Variants in UGGT1 observed in about 807,000 individuals in gnomAD.
UGGT1 encodes UDP-glucose:glycoprotein glucosyltransferase 1.
A neutral mutation model predicts 203.9 loss-of-function variants in UGGT1; 107 were observed. That is an observed-to-expected ratio of 0.52 (90% CI 0.45 to 0.62). The LOEUF (loss-of-function observed/expected upper bound fraction) is 0.62. Ranked by LOEUF, UGGT1 falls within the 20% of genes least tolerant of loss-of-function variation. The pLI is 0.00. For synonymous variants in UGGT1, 628 were observed against 653.5 expected, an observed-to-expected ratio of 0.96 and a Z score of 0.59; for missense variants, 1,673 against 1,867.2, an observed-to-expected ratio of 0.90 and a Z score of 1.92.
chr2:128,117,606 C>T (rs1471940703), intron 8 of UGGT1, among the ~76,000 whole-genome samples: 7 of 150,228 alleles, frequency 4.7e-5, no homozygotes, highest in Middle Eastern at 6.9e-3. Flanking sequence ...TGCAGTGCCA[C>T]GATCTTGGCT....
At chr2:128,149,571 C>T (rs1048227038) in intron 18 of UGGT1, among the ~76,000 whole-genome samples, 3 of 150,902 alleles carry the variant, frequency 2.0e-5, no homozygotes, top group African/African-American at 7.3e-5. Context: ...CAAGATCATT[C>T]TGGCTAACAT....
In UGGT1 at chr2:128,105,810, C is replaced by T. The variant is rs541831512; in HGVS notation, c.277+1796C>T. On this transcript the variant is annotated intron_variant, in intron 3 of 40. Transcript: ENST00000259253. ...GATTATGGGTGTGAGTCACCAAGCC[C>T]GGCCTAGTTTTGATTTTAGAAACAG... is the stretch of plus-strand genomic sequence containing the variant. 5.2e-3 allele frequency among the ~76,000 whole-genome samples: 796 copies of T among 151,850 alleles called. 5 individuals are homozygous for T. The highest frequency in any genetic ancestry group is 7.3e-3 in the Non-Finnish European group (493 of 67,980).
At chr2:128,181,127 T>G in intron 36 of UGGT1, 55 bp downstream of exon 36, 1 of 1,510,306 alleles carries the variant, frequency 6.6e-7, no homozygotes, top group South Asian at 1.2e-5. Flanking sequence ...ACAAATTGCT[T>G]CTTTTTAAAT....
intron 15 of UGGT1, among the ~76,000 whole-genome samples, chr2:128,135,300 A>G (rs1260110787): frequency 6.6e-6 from 1 of 152,256 alleles, no homozygotes; most frequent in Non-Finnish European, 1.5e-5. Context: ...AGCATTGCCA[A>G]TAACTTGTTA....
intron 25 of UGGT1, among the ~76,000 whole-genome samples, chr2:128,161,835 G>A (rs561141564): frequency 1.6e-4 from 25 of 152,298 alleles, no homozygotes; most frequent in African/African-American, 5.8e-4. Context: ...GGACCCTGGA[G>A]TCCATTGTTA....
chr2:128,144,670 C>T (rs1689593984), intron 17 of UGGT1, among the ~76,000 whole-genome samples: 3 of 152,110 alleles, frequency 2.0e-5, no homozygotes, highest in South Asian at 2.1e-4. Flanking sequence ...TGGCTTGAAC[C>T]AACCTAGAAG....
At chr2:128,171,532 G>T in intron 28 of UGGT1, 2 of 451,996 alleles carry the variant, frequency 4.4e-6, no homozygotes, top group East Asian at 8.9e-5. Context: ...TTTCGAGATG[G>T]AGTCTCGCTC....
Position 128,193,925 on chromosome 2 carries a change from C to G in UGGT1, c.*4183C>G, listed in dbSNP as rs902049555. 2 of 152,096 alleles carry G rather than the reference C, an allele frequency of 1.3e-5. No individual in the cohort carries two copies. Among genetic ancestry groups the G allele is most frequent in the African/African-American group, 2.4e-5 (1 of 41,408 alleles). 9.4% of individuals were successfully genotyped at this position (152,096 alleles called of 1,614,324 possible). A position where few individuals can be genotyped will look rare whatever the true frequency, so the allele number is the denominator to read the frequency against. Reference sequence around the variant, plus strand: ...TACAAGGGAAAAAGAAAAAGAGTTACAAGGGAATTGTAGTCTTTTTCTGAA... The same window carrying G: ...TACAAGGGAAAAAGAAAAAGAGTTAGAAGGGAATTGTAGTCTTTTTCTGAA... On this transcript the variant is annotated 3_prime_UTR_variant, in exon 41 of 41. Transcript: ENST00000259253.
At chr2:128,135,723 C>T (rs970650798) in intron 15 of UGGT1, among the ~76,000 whole-genome samples, 2 of 152,076 alleles carry the variant, frequency 1.3e-5, no homozygotes, top group East Asian at 3.9e-4. Context: ...AGGTTATGTC[C>T]TACTGGTTAG....
At chr2:128,104,254 G>A (rs183932243) in intron 3 of UGGT1, among the ~76,000 whole-genome samples, 54 of 152,144 alleles carry the variant, frequency 3.5e-4, no homozygotes, top group African/African-American at 1.2e-3. Context: ...TTGTTCTATC[G>A]TGATCCTTTA....
chr2:128,130,804 T>G (rs886430873), intron 13 of UGGT1, among the ~76,000 whole-genome samples: 1 of 152,170 alleles, frequency 6.6e-6, no homozygotes, highest in African/African-American at 2.4e-5. Context: ...TTTCTTTTGT[T>G]TTTTTAGAGA....
intron 32 of UGGT1, 112 bp downstream of exon 32, chr2:128,177,010 G>T: frequency 9.7e-7 from 1 of 1,035,296 alleles, no homozygotes; most frequent in Non-Finnish European, 1.4e-6. Context: ...CAATTATAGG[G>T]ATACTGCTTT....
chr2:128,137,326 G>A (rs1295701989), intron 15 of UGGT1, among the ~76,000 whole-genome samples: 1 of 152,214 alleles, frequency 6.6e-6, no homozygotes, highest in African/African-American at 2.4e-5. Context: ...GGCTGAAGTG[G>A]AGGATTGTTT....
intron 11 of UGGT1, among the ~76,000 whole-genome samples, chr2:128,124,493 G>A (rs1422529858): frequency 1.3e-5 from 2 of 151,830 alleles, no homozygotes; most frequent in South Asian, 2.1e-4. Context: ...TAGGTGGTTC[G>A]TGGGCCCTTA....
intron 9 of UGGT1, 49 bp downstream of exon 9, chr2:128,120,505 A>G (rs755391390): frequency 6.6e-6 from 10 of 1,510,860 alleles, no homozygotes; most frequent in Non-Finnish European, 9.1e-6. Flanking sequence ...GCTAAGTTTT[A>G]TGGCTTTAAA....
intron 5 of UGGT1, among the ~76,000 whole-genome samples, chr2:128,112,014 T>C (rs1045592354): frequency 6.6e-6 from 1 of 151,352 alleles, no homozygotes; most frequent in East Asian, 2.0e-4. Flanking sequence ...GTCGTGCACC[T>C]GTAGTCCCTC....
chr2:128,163,543 G>A (rs12052829), intron 25 of UGGT1, among the ~76,000 whole-genome samples: 15,057 of 151,760 alleles, frequency 0.099, 1,514 homozygotes, highest in African/African-American at 0.25. Context: ...GTGAAACCCC[G>A]TCTCTACTAA....
chr2:128,097,697 G>GT, intron 2 of UGGT1, 133 bp downstream of exon 2: 1 of 1,113,112 alleles, frequency 9.0e-7, no homozygotes. Context: ...AGTGTATACT[G>GT]TAGGATGTAT....
At chr2:128,117,099 A>AT (rs1383233904) in intron 8 of UGGT1, among the ~76,000 whole-genome samples, 3 of 150,350 alleles carry the variant, frequency 2.0e-5, no homozygotes, top group Admixed American at 1.3e-4. Flanking sequence ...TTATTTATTT[A>AT]TTTTTTTTGA....
Sources: gnomAD v4.1 joint callset for allele counts (sites outside exome capture counted in the v4.1 genomes callset) on GRCh38, gnomAD v4.1.1 for gene constraint, MANE v1.5 for transcripts, NCBI Gene and HGNC (gene_info 2026-07-23, HGNC 2026-07-21) for gene names.